Variants in TENM2 observed in about 807,000 individuals in gnomAD.
TENM2 encodes teneurin transmembrane protein 2.
TENM2 carries 52 observed loss-of-function variants against 245.2 expected under a neutral mutation model. The observed-to-expected ratio is 0.21, with a 90% CI of 0.17 to 0.27. The LOEUF (loss-of-function observed/expected upper bound fraction) is 0.27. Among genes scored for constraint, TENM2 ranks in the 10% least tolerant of loss-of-function variants. The probability of loss-of-function intolerance (pLI) is 1.00; values close to 1 mark genes in which losing one functional copy is unlikely to be tolerated. For missense variants in TENM2, 3,046 were observed against 3,666.8 expected (o/e 0.83, Z 4.37); for synonymous variants, 1,363 against 1,438.9 (o/e 0.95, Z 1.19).
At chr5:167,796,887 T>C (rs1765360402) in intron 2 of TENM2, among the ~76,000 whole-genome samples, 1 of 152,074 alleles carries the variant, frequency 6.6e-6, no homozygotes, top group South Asian at 2.1e-4. Context: ...GCAGCGTGAG[T>C]CAGGCATGTC....
chr5:168,124,804 G>T, intron 10 of TENM2, 46 bp from the exon 13 acceptor site: 1 of 1,533,730 alleles, frequency 6.5e-7, no homozygotes, highest in Non-Finnish European at 8.8e-7. Context: ...TCCTCCATGG[G>T]TGATTAATAC....
At chr5:167,367,140 A>G (rs1760109008) in intron 1 of TENM2, among the ~76,000 whole-genome samples, 2 of 152,126 alleles carry the variant, frequency 1.3e-5, no homozygotes, top group African/African-American at 4.8e-5. Context: ...GCTTACAGGA[A>G]AACCTAGGAT....
rs369816233 is a variant in TENM2, at chr5:167,819,366, A to G, written c.503-56620A>G. On this transcript the variant is annotated intron_variant, in intron 2 of 28. Transcript: ENST00000518659. The stretch of plus-strand genomic sequence containing the variant: ...AAAAGAAAGGAAACTGGCAAAACAC[A>G]GGGATGCATGTTCAGGAGAAGCTGT... Among the ~76,000 whole-genome samples, 104 of 152,348 alleles carry G rather than the reference A, an allele frequency of 6.8e-4. 1 individual carries two copies. In the South Asian group the frequency reaches 0.021, roughly 30 times the overall value.
intron 2 of TENM2, among the ~76,000 whole-genome samples, chr5:167,730,397 C>T (rs1760337233): frequency 6.6e-6 from 1 of 152,126 alleles, no homozygotes; most frequent in African/African-American, 2.4e-5. Context: ...CTTTGAAAAC[C>T]AGAGGAGAGG....
At chr5:167,149,384 T>G in the TENM2 span, among the ~76,000 whole-genome samples, 3 of 152,240 alleles carry the variant, frequency 2.0e-5, no homozygotes, top group South Asian at 6.2e-4. Flanking sequence ...ATGCACACAT[T>G]AACAAATATT....
At chr5:167,036,194 G>A in the TENM2 span, among the ~76,000 whole-genome samples, 337 of 152,280 alleles carry the variant, frequency 2.2e-3, no homozygotes, top group African/African-American at 7.7e-3. Context: ...GGAAAGTCTG[G>A]GAGGAGGAAT....
intron 2 of TENM2, among the ~76,000 whole-genome samples, chr5:167,486,358 T>G (rs7445522): frequency 0.67 from 99,167 of 148,364 alleles, 34,786 homozygotes; most frequent in Non-Finnish European, 0.79. Flanking sequence ...AGACAGAGTC[T>G]CACTCTGTCG....
exon 2 of TENM2, chr5:167,375,338 A>G (rs929700272): frequency 2.6e-6 from 4 of 1,551,602 alleles, no homozygotes; most frequent in Admixed American, 3.9e-5. Context: ...CGAGGGAGGG[A>G]TGTCTCCAGA....
chr5:168,035,010 AAAAT>A (rs1455327169), intron 5 of TENM2, among the ~76,000 whole-genome samples: 1 of 152,314 alleles, frequency 6.6e-6, no homozygotes, highest in East Asian at 1.9e-4. Flanking sequence ...TTAACTGTTG[AAAAT>A]TTAGCATCTG....
chr5:168,240,635 G>C (rs1242693138), intron 25 of TENM2, among the ~76,000 whole-genome samples: 1 of 104,036 alleles, frequency 9.6e-6, no homozygotes, highest in Non-Finnish European at 2.0e-5. Flanking sequence ...TTGTATACCA[G>C]AGCAGACACC....
At chr5:167,213,632 G>A in the TENM2 span, among the ~76,000 whole-genome samples, 2 of 152,144 alleles carry the variant, frequency 1.3e-5, no homozygotes, top group African/African-American at 4.8e-5. Flanking sequence ...GAAAAAGCAG[G>A]TTACATGTGA....
intron 2 of TENM2, among the ~76,000 whole-genome samples, chr5:167,700,949 T>TAAAAAAAAAAA (rs781480259): frequency 1.3e-5 from 1 of 79,892 alleles, no homozygotes; most frequent in Non-Finnish European, 2.3e-5. Context: ...TTATATTTCT[T>TAAAAAAAAAAA]AAAAAAAAAA....
the TENM2 span, among the ~76,000 whole-genome samples, chr5:167,063,954 G>A: frequency 1.4e-4 from 21 of 152,294 alleles, no homozygotes; most frequent in Admixed American, 2.6e-4. Flanking sequence ...TAATGACGGT[G>A]GTTATGTTTG....
chr5:168,068,119 A>T (rs1318365537), intron 7 of TENM2, among the ~76,000 whole-genome samples: 1 of 152,070 alleles, frequency 6.6e-6, no homozygotes, highest in African/African-American at 2.4e-5. Context: ...CTGCCATCTG[A>T]GTCAGTGGGC....
chr5:167,967,163 T>C (rs1781443436), intron 4 of TENM2: 1 of 152,146 alleles, frequency 6.6e-6, no homozygotes, highest in Non-Finnish European at 1.5e-5. Context: ...GTGTCTTTTT[T>C]TTTTCTTGGC....
intron 1 of TENM2, among the ~76,000 whole-genome samples, chr5:167,338,450 G>A (rs1757906244): frequency 6.6e-6 from 1 of 152,158 alleles, no homozygotes; most frequent in African/African-American, 2.4e-5. Context: ...CACCATCTGG[G>A]CCACTACAAG....
At chr5:167,818,066 G>T (rs13152970) in intron 2 of TENM2, among the ~76,000 whole-genome samples, 2 of 152,196 alleles carry the variant, frequency 1.3e-5, no homozygotes, top group African/African-American at 4.8e-5. Flanking sequence ...GCCCTGTTTT[G>T]GGTATCAAAA....
At chr5:167,125,542 A>G in the TENM2 span, among the ~76,000 whole-genome samples, 4 of 152,190 alleles carry the variant, frequency 2.6e-5, no homozygotes, top group South Asian at 2.1e-4. Flanking sequence ...GTTTTTGCAC[A>G]GTTCTTTGTC....
intron 1 of TENM2, among the ~76,000 whole-genome samples, chr5:167,357,930 C>A (rs148422361): frequency 6.2e-4 from 95 of 152,274 alleles, no homozygotes; most frequent in African/African-American, 2.2e-3. Flanking sequence ...CATACTCCAC[C>A]TTATTGCCTA....
Sources: allele counts gnomAD v4.1 joint callset (sites outside exome capture counted in the v4.1 genomes callset), GRCh38; gene constraint gnomAD v4.1.1; transcripts MANE v1.5; gene names NCBI Gene and HGNC (gene_info 2026-07-23, HGNC 2026-07-21).